Variants in XPO7 observed in about 807,000 individuals in gnomAD.
XPO7 encodes the protein exportin-7.
XPO7 carries 21 observed loss-of-function variants against 144.3 expected under a neutral mutation model. The ratio of observed to expected loss-of-function variants is 0.15; its 90% CI spans 0.10 to 0.21. XPO7 has a LOEUF of 0.21. Among genes scored for constraint, XPO7 ranks in the 10% least tolerant of loss-of-function variants. The pLI, the probability that XPO7 is intolerant of heterozygous loss-of-function variation, is 1.00. For synonymous variants in XPO7, 580 were observed against 499.6 expected (o/e 1.16, Z -2.15); for missense variants, 808 against 1,325.8 (o/e 0.61, Z 6.06).
At chr8:21,962,522 A>T (rs1811758375) in intron 1 of XPO7, among the ~76,000 whole-genome samples, 1 of 152,222 alleles carries the variant, frequency 6.6e-6, no homozygotes, top group South Asian at 2.1e-4. Flanking sequence ...GTGAAGAGTT[A>T]ATTTAGGAAA....
chr8:21,982,551 A>G, intron 10 of XPO7, 89 bp from the exon 11 acceptor site: 2 of 1,412,580 alleles, frequency 1.4e-6, no homozygotes, highest in Middle Eastern at 5.0e-4. Flanking sequence ...TAAAAAAAAG[A>G]AAAAAGTCTT....
chr8:21,924,447 T>TCCCCCCC (rs551761845), intron 1 of XPO7, among the ~76,000 whole-genome samples: 1 of 131,992 alleles, frequency 7.6e-6, no homozygotes, highest in African/African-American at 2.8e-5. Context: ...GTAGCCCCCC[T>TCCCCCCC]CCCCCCCCCA....
chr8:21,965,123 T>A (rs1198855460), intron 1 of XPO7, among the ~76,000 whole-genome samples: 3 of 152,146 alleles, frequency 2.0e-5, no homozygotes, highest in Admixed American at 6.5e-5. Flanking sequence ...TGTTACCTAT[T>A]TTCCTAAATA....
At chr8:21,928,109 G>T (rs1180451722) in intron 1 of XPO7, among the ~76,000 whole-genome samples, 1 of 152,126 alleles carries the variant, frequency 6.6e-6, no homozygotes, top group African/African-American at 2.4e-5. Context: ...TCAGCTCTCA[G>T]ACCCACACAA....
chr8:21,971,992 T>C (rs1395878540), intron 5 of XPO7, 51 bp downstream of exon 5: 3 of 1,568,530 alleles, frequency 1.9e-6, no homozygotes. Context: ...TTTTTCTTAG[T>C]ATTGGTGTTT....
At chr8:21,964,603 C>T (rs1330005089) in intron 1 of XPO7, among the ~76,000 whole-genome samples, 4 of 143,820 alleles carry the variant, frequency 2.8e-5, no homozygotes, top group African/African-American at 1.1e-4. Flanking sequence ...CCCATTTGTT[C>T]TTCTGGGAAC....
chr8:21,931,934 G>A (rs915490731), intron 1 of XPO7, among the ~76,000 whole-genome samples: 4 of 152,082 alleles, frequency 2.6e-5, no homozygotes, highest in African/African-American at 7.2e-5. Context: ...GTGCAGTGGC[G>A]CGGTCTTGGC....
chr8:21,955,724 C>CTTTTTTTTTTTTT (rs71544845), intron 1 of XPO7, among the ~76,000 whole-genome samples: 2 of 102,774 alleles, frequency 1.9e-5, no homozygotes, highest in African/African-American at 4.4e-5. Context: ...CTGTGCTTAC[C>CTTTTTTTTTTTTT]TTTTTTTTTT....
rs565404208 is a variant in XPO7 at position 22,005,867 on chromosome 8, T to G, written c.*779T>G. The G allele has an allele frequency of 6.6e-6, 1 of 152,300 alleles. No homozygotes were observed. Among genetic ancestry groups the G allele is most frequent in the Admixed American group, 6.5e-5 (1 of 15,284 alleles). 9.4% of individuals were successfully genotyped at this position (152,300 alleles called of 1,614,324 possible). On this transcript the variant is annotated 3_prime_UTR_variant, in exon 28 of 28. Coordinates refer to ENST00000252512, the MANE Select transcript of XPO7 (RefSeq NM_015024.5). ...GTGTTCTTATCTCCACCCTCTTTCC[T>G]ACTTTGCTTACCCTCATCCTCAGAC...
chr8:21,955,505 G>T (rs1811506526), intron 1 of XPO7, among the ~76,000 whole-genome samples: 1 of 152,156 alleles, frequency 6.6e-6, no homozygotes, highest in Non-Finnish European at 1.5e-5. Context: ...GTTAAAGTAG[G>T]CAGTGGTGGC....
At chr8:21,982,613 G>C (rs1345308213) in intron 10 of XPO7, 27 bp from the exon 11 acceptor site, 2 of 1,552,034 alleles carry the variant, frequency 1.3e-6, no homozygotes, top group Non-Finnish European at 1.7e-6. Context: ...TGAAAAATAT[G>C]CCTTCTGCTT....
At chr8:21,990,981 AG>A in intron 18 of XPO7, 62 bp downstream of exon 18, 2 of 1,488,438 alleles carry the variant, frequency 1.3e-6, no homozygotes, top group Middle Eastern at 1.7e-4. Flanking sequence ...TTTTTATTTG[AG>A]GACTGAAAAC....
At chr8:21,946,208 A>G (rs1272238657) in intron 1 of XPO7, among the ~76,000 whole-genome samples, 1 of 152,228 alleles carries the variant, frequency 6.6e-6, no homozygotes, top group Non-Finnish European at 1.5e-5. Flanking sequence ...TCCCACGCTC[A>G]CACTTCGGAT....
chr8:21,956,905 G>C (rs1291591258), intron 1 of XPO7, among the ~76,000 whole-genome samples: 1 of 151,964 alleles, frequency 6.6e-6, no homozygotes, highest in Non-Finnish European at 1.5e-5. Flanking sequence ...CCATGTTAAA[G>C]GCTTTCTTCA....
At chr8:21,969,643 C>A in intron 3 of XPO7, 67 bp downstream of exon 3, 1 of 1,377,602 alleles carries the variant, frequency 7.3e-7, no homozygotes, top group Non-Finnish European at 1.0e-6. Context: ...TAGTAATAGT[C>A]AAATGTACGT....
At chr8:21,932,091 C>A (rs959713808) in intron 1 of XPO7, among the ~76,000 whole-genome samples, 2 of 152,086 alleles carry the variant, frequency 1.3e-5, no homozygotes, top group Non-Finnish European at 1.5e-5. Flanking sequence ...CCAGGCTGGT[C>A]TCGAACTCCT....
intron 1 of XPO7, among the ~76,000 whole-genome samples, chr8:21,937,282 T>TTC (rs1470622523): frequency 6.6e-6 from 1 of 152,238 alleles, no homozygotes; most frequent in Non-Finnish European, 1.5e-5. Context: ...CAAAACACAG[T>TTC]TGAGTTCAGT....
chr8:21,951,889 G>A (rs1199409583), intron 1 of XPO7, among the ~76,000 whole-genome samples: 1 of 152,162 alleles, frequency 6.6e-6, no homozygotes, highest in African/African-American at 2.4e-5. Flanking sequence ...TCTCTACAGT[G>A]TGAATCCCTA....
chr8:21,967,614 T>A (rs1018738674), intron 2 of XPO7, among the ~76,000 whole-genome samples: 1 of 152,156 alleles, frequency 6.6e-6, no homozygotes, highest in African/African-American at 2.4e-5. Flanking sequence ...ATTACAGACG[T>A]GAGCCACCAC....
Sources: allele counts gnomAD v4.1 joint callset (sites outside exome capture counted in the v4.1 genomes callset), GRCh38; gene constraint gnomAD v4.1.1; transcripts MANE v1.5; gene names NCBI Gene and HGNC (gene_info 2026-07-23, HGNC 2026-07-21).